Variants in CTNND2 observed in about 807,000 individuals in gnomAD.
The protein encoded by CTNND2 is catenin delta-2.
Under a neutral mutation model 144.4 loss-of-function variants are expected in CTNND2, and 22 were observed. The observed-to-expected ratio is 0.15, with a 90% confidence interval of 0.11 to 0.22. CTNND2 has a LOEUF of 0.22. CTNND2 is among the 10% of genes least tolerant of loss of function. The pLI, the probability that CTNND2 is intolerant of heterozygous loss-of-function variation, is 1.00. For synonymous variants in CTNND2, 751 were observed against 695.6 expected, an observed-to-expected ratio of 1.08 and a Z score of -1.25; for missense variants, 1,353 against 1,618.8, an observed-to-expected ratio of 0.84 and a Z score of 2.82.
intron 2 of CTNND2, among the ~76,000 whole-genome samples, chr5:11,630,075 C>T (rs183654302): frequency 6.6e-6 from 1 of 152,240 alleles, no homozygotes; most frequent in African/African-American, 2.4e-5. Flanking sequence ...AAAAGACATA[C>T]TGTGACTTTT....
At chr5:11,869,754 G>T (rs11746755) in intron 1 of CTNND2, among the ~76,000 whole-genome samples, 149,939 of 152,356 alleles carry the variant, frequency 0.98, 73,820 homozygotes, top group Middle Eastern at 1. Flanking sequence ...AATAAAAACA[G>T]ATCTATTTTT....
chr5:11,487,451 T>C (rs1243180327), intron 3 of CTNND2, among the ~76,000 whole-genome samples: 2 of 152,078 alleles, frequency 1.3e-5, no homozygotes, highest in Non-Finnish European at 2.9e-5. Flanking sequence ...TTACGTCTTG[T>C]AGGGGCAAAA....
At chr5:11,331,548 T>A (rs1345738175) in intron 9 of CTNND2, among the ~76,000 whole-genome samples, 2 of 152,226 alleles carry the variant, frequency 1.3e-5, no homozygotes, top group East Asian at 3.8e-4. Context: ...ATTTTAAACA[T>A]GATTATTTTT....
At chr5:11,317,235 C>A (rs925798128) in intron 9 of CTNND2, among the ~76,000 whole-genome samples, 2 of 152,182 alleles carry the variant, frequency 1.3e-5, no homozygotes, top group Non-Finnish European at 2.9e-5. Context: ...CAGGGTCACA[C>A]AGCTAGTTAG....
chr5:11,372,692 G>T (rs1335320193), intron 7 of CTNND2, among the ~76,000 whole-genome samples: 1 of 152,174 alleles, frequency 6.6e-6, no homozygotes, highest in Non-Finnish European at 1.5e-5. Flanking sequence ...ACGTATTTTG[G>T]TGTTTTTCAA....
intron 3 of CTNND2, among the ~76,000 whole-genome samples, chr5:11,473,302 G>A (rs1015964688): frequency 2.0e-5 from 3 of 152,142 alleles, no homozygotes; most frequent in Admixed American, 2.0e-4. Context: ...AAATCAGTAA[G>A]ATACAAGTGT....
At chr5:11,667,609 G>A (rs1362593346) in intron 2 of CTNND2, among the ~76,000 whole-genome samples, 1 of 152,116 alleles carries the variant, frequency 6.6e-6, no homozygotes, top group Non-Finnish European at 1.5e-5. Flanking sequence ...TTTTGATGGG[G>A]TTGTTTCTTT....
At chr5:11,430,719 C>A (rs964042215) in intron 3 of CTNND2, among the ~76,000 whole-genome samples, 1 of 152,214 alleles carries the variant, frequency 6.6e-6, no homozygotes, top group Non-Finnish European at 1.5e-5. Flanking sequence ...ATCACCACCA[C>A]CAACATTATT....
intron 1 of CTNND2, among the ~76,000 whole-genome samples, chr5:11,805,488 A>G (rs932795348): frequency 6.6e-6 from 1 of 152,118 alleles, no homozygotes; most frequent in African/African-American, 2.4e-5. Flanking sequence ...ATGAGTTCAG[A>G]GAACCTCATA....
At chr5:11,809,193 G>A (rs1054851633) in intron 1 of CTNND2, among the ~76,000 whole-genome samples, 5 of 152,150 alleles carry the variant, frequency 3.3e-5, no homozygotes, top group African/African-American at 1.2e-4. Context: ...ATTCTTTGGA[G>A]AACTGAATAT....
At chr5:11,515,392 T>A (rs1365368100) in intron 3 of CTNND2, among the ~76,000 whole-genome samples, 2 of 152,336 alleles carry the variant, frequency 1.3e-5, no homozygotes, top group African/African-American at 2.4e-5. Flanking sequence ...GAATCTTAGA[T>A]GGAGATTCCG....
chr5:11,832,135 T>C (rs1359683163), intron 1 of CTNND2, among the ~76,000 whole-genome samples: 1 of 151,800 alleles, frequency 6.6e-6, no homozygotes, highest in Middle Eastern at 3.2e-3. Context: ...ATACAAAAAA[T>C]TAGCCGGGCA....
chr5:11,588,196 C>G (rs1465333926), intron 2 of CTNND2, among the ~76,000 whole-genome samples: 1 of 151,866 alleles, frequency 6.6e-6, no homozygotes, highest in East Asian at 1.9e-4. Context: ...AGTTAGCTGC[C>G]CAGTATATTA....
chr5:11,539,317 G>A (rs1021754255), intron 3 of CTNND2, among the ~76,000 whole-genome samples: 1 of 152,154 alleles, frequency 6.6e-6, no homozygotes, highest in African/African-American at 2.4e-5. Flanking sequence ...CTGGGTGGCA[G>A]GCGGAAAGAA....
intron 1 of CTNND2, among the ~76,000 whole-genome samples, chr5:11,746,881 A>C (rs1231539814): frequency 1.3e-5 from 2 of 152,074 alleles, no homozygotes; most frequent in African/African-American, 4.8e-5. Flanking sequence ...ATGTCCTATA[A>C]CTCTTCCCAG....
At chr5:11,675,976 G>A (rs1784152089) in intron 2 of CTNND2, among the ~76,000 whole-genome samples, 1 of 151,654 alleles carries the variant, frequency 6.6e-6, no homozygotes, top group African/African-American at 2.4e-5. Flanking sequence ...TCTCTAAACT[G>A]CATTTGAGCT....
At chr5:11,143,676 G>A (rs1756960047) in intron 12 of CTNND2, among the ~76,000 whole-genome samples, 1 of 152,198 alleles carries the variant, frequency 6.6e-6, no homozygotes. Flanking sequence ...GTTGGGGTTA[G>A]GACTGCAAAA....
chr5:11,348,690 T>C (rs991033376), intron 8 of CTNND2, among the ~76,000 whole-genome samples: 1 of 151,562 alleles, frequency 6.6e-6, no homozygotes, highest in African/African-American at 2.4e-5. Flanking sequence ...ACAGAGTAGG[T>C]AAGGAGAACA....
intron 10 of CTNND2, among the ~76,000 whole-genome samples, chr5:11,211,854 A>G (rs1193508227): frequency 6.6e-6 from 1 of 152,216 alleles, no homozygotes. Flanking sequence ...TTAAATTAAA[A>G]GTAATATATT....
Sources: allele counts gnomAD v4.1 joint callset (sites outside exome capture counted in the v4.1 genomes callset), GRCh38; gene constraint gnomAD v4.1.1; transcripts MANE v1.5; gene names NCBI Gene and HGNC (gene_info 2026-07-23, HGNC 2026-07-21).